Variants in AHCYL2 observed in about 807,000 individuals in gnomAD.
AHCYL2 encodes adenosylhomocysteinase like 2.
AHCYL2 carries 28 observed loss-of-function variants against 81.4 expected under a neutral mutation model. The observed-to-expected ratio is 0.34, with a 90% CI of 0.25 to 0.47. The LOEUF (loss-of-function observed/expected upper bound fraction) is 0.47, where lower values mean the gene tolerates loss of function less well. AHCYL2 is among the 20% of genes least tolerant of loss of function. The pLI is 1.00. For missense variants in AHCYL2, 551 were observed against 785.1 expected, an observed-to-expected ratio of 0.70 and a Z score of 3.56; for synonymous variants, 272 against 290.2, an observed-to-expected ratio of 0.94 and a Z score of 0.64.
intron 1 of AHCYL2, among the ~76,000 whole-genome samples, chr7:129,226,473 G>T (rs1472266513): frequency 6.6e-6 from 1 of 152,216 alleles, no homozygotes; most frequent in Non-Finnish European, 1.5e-5. Context: ...CACAGTATGG[G>T]CACAGGGATT....
At chr7:129,242,508 A>G (rs934583317) in intron 1 of AHCYL2, among the ~76,000 whole-genome samples, 6 of 152,032 alleles carry the variant, frequency 3.9e-5, no homozygotes, top group Non-Finnish European at 4.4e-5. Flanking sequence ...ACGAGGTCAG[A>G]AGTTTGAGAC....
chr7:129,363,746 C>A (rs1794011447), intron 1 of AHCYL2, among the ~76,000 whole-genome samples: 1 of 152,028 alleles, frequency 6.6e-6, no homozygotes, highest in African/African-American at 2.4e-5. Context: ...CCATGTTGGC[C>A]AGGCTGGTAT....
intron 12 of AHCYL2, among the ~76,000 whole-genome samples, chr7:129,422,274 C>A (rs1797151556): frequency 6.6e-6 from 1 of 152,306 alleles, no homozygotes; most frequent in Admixed American, 6.5e-5. Flanking sequence ...CTAGGGTGAA[C>A]CACCATCATT....
chr7:129,351,207 A>G (rs1180137223), intron 1 of AHCYL2, among the ~76,000 whole-genome samples: 2 of 152,226 alleles, frequency 1.3e-5, no homozygotes, highest in African/African-American at 4.8e-5. Context: ...CCGCATAGGC[A>G]TAAGGAACAC....
At chr7:129,321,743 GTTTTTTTTT>G in intron 1 of AHCYL2, among the ~76,000 whole-genome samples, 1 of 77,630 alleles carries the variant, frequency 1.3e-5, no homozygotes, top group South Asian at 5.5e-4. Context: ...TTCTTTCTTT[GTTTTTTTTT>G]TTTTTTTTTT....
Position 129,427,156 on chromosome 7 carries a change from G to A in AHCYL2, c.*111G>A, listed in dbSNP as rs1397994762. 2.1e-5 allele frequency: 24 copies of A among 1,123,954 alleles called. No homozygotes were observed. The highest frequency in any genetic ancestry group is 2.8e-5 in the Non-Finnish European group (21 of 754,580). The allele number at this position is 1,123,954 out of a possible 1,614,324, so 69.6% of individuals were successfully genotyped here. A position where few individuals can be genotyped will look rare whatever the true frequency, so the allele number is the denominator to read the frequency against. On this transcript the variant is annotated 3_prime_UTR_variant, in exon 17 of 17. Transcript: ENST00000325006. This position sits in a 1 kb window ranked among gnomAD's most constrained non-coding sequence, Gnocchi z 5.5. ...GCTTCTCCAATCAAAGCTGCCTGCCGTGCTCACCCTGTGTGTTAGGTTATT... is the reference window on the plus strand; with the variant it reads ...GCTTCTCCAATCAAAGCTGCCTGCCATGCTCACCCTGTGTGTTAGGTTATT...
chr7:129,245,738 G>C (rs886665739), intron 1 of AHCYL2, among the ~76,000 whole-genome samples: 1 of 152,018 alleles, frequency 6.6e-6, no homozygotes, highest in African/African-American at 2.4e-5. Flanking sequence ...ACCACATTTT[G>C]TTTATTCATT....
intron 11 of AHCYL2, chr7:129,410,494 C>G: frequency 9.8e-7 from 1 of 1,021,312 alleles, no homozygotes; most frequent in Non-Finnish European, 1.5e-6. Context: ...TGTGTTCCAG[C>G]TACAGAGTTA....
At chr7:129,278,779 T>TC (rs1408999693) in intron 1 of AHCYL2, among the ~76,000 whole-genome samples, 19 of 151,086 alleles carry the variant, frequency 1.3e-4, no homozygotes, top group African/African-American at 4.1e-4. Flanking sequence ...TTTTTTTTTT[T>TC]TTTGCATATG....
intron 1 of AHCYL2, among the ~76,000 whole-genome samples, chr7:129,230,281 A>G (rs1794380812): frequency 6.6e-6 from 1 of 151,504 alleles, no homozygotes; most frequent in Admixed American, 6.6e-5. Context: ...ACTGGGTTTC[A>G]CCAAGTTAGC....
intron 1 of AHCYL2, among the ~76,000 whole-genome samples, chr7:129,265,797 T>C (rs1437052551): frequency 6.6e-6 from 1 of 152,138 alleles, no homozygotes; most frequent in East Asian, 1.9e-4. Context: ...GGGTTGAGAA[T>C]AGACTGAAGG....
At chr7:129,325,700 G>C (rs1465048256) in intron 1 of AHCYL2, among the ~76,000 whole-genome samples, 1 of 150,836 alleles carries the variant, frequency 6.6e-6, no homozygotes, top group Admixed American at 6.6e-5. Flanking sequence ...TTCTGGGTTT[G>C]TTTTATTTTG....
chr7:129,389,072 T>C lies in AHCYL2; in HGVS notation c.492T>C (p.Asp164=), dbSNP rs1307019609. The C allele has an allele frequency of 3.1e-6, 5 of 1,613,438 alleles. No homozygotes were observed. Among genetic ancestry groups the C allele is most frequent in the Non-Finnish European group, 4.2e-6 (5 of 1,179,808 alleles). Reference sequence around the variant, plus strand: ...TCATTCCAGCGGCTTCATATACAGATAGCTCTGATGATGAGACATCGCCCA... The same window carrying C: ...TCATTCCAGCGGCTTCATATACAGACAGCTCTGATGATGAGACATCGCCCA... The part of the protein sequence containing the change: ...DSYSSAASYT[D]SSDDETSPRD... Residue 164 remains aspartate (D), a synonymous_variant, in exon 3 of 17, where the codon GAT becomes GAC. Transcript: ENST00000325006.
chr7:129,359,929 G>A (rs1027654772), intron 1 of AHCYL2, among the ~76,000 whole-genome samples: 2 of 152,086 alleles, frequency 1.3e-5, no homozygotes, highest in Non-Finnish European at 2.9e-5. Flanking sequence ...ATTAGTCAGT[G>A]GCAAGGAGGT....
At chr7:129,420,842 A>T (rs747935292) in intron 12 of AHCYL2, among the ~76,000 whole-genome samples, 3 of 152,180 alleles carry the variant, frequency 2.0e-5, no homozygotes, top group Non-Finnish European at 2.9e-5. Context: ...TTTATTTTTT[A>T]AAATTCCAAT....
At position 129,427,890 on chromosome 7, in the gene AHCYL2, A is replaced by G. The variant is rs541702447; in HGVS notation, c.*845A>G. On this transcript the variant is annotated 3_prime_UTR_variant, in exon 17 of 17. Coordinates refer to ENST00000325006, the MANE Select transcript of AHCYL2 (RefSeq NM_015328.4). The surrounding 1 kb of genome is among the most constrained non-coding windows in gnomAD (Gnocchi z 5.5). ...AAGGAAGCCCCTCCAGATTGGCACT[A>G]TCTCAGAAAAGGAGAGCTTGTTGTG... 3 of 152,712 alleles carry G rather than the reference A, an allele frequency of 2.0e-5. No homozygotes were observed. The East Asian group carries it at 5.8e-4, about 30-fold the overall frequency. 9.5% of individuals were successfully genotyped at this position (152,712 alleles called of 1,614,324 possible).
intron 1 of AHCYL2, among the ~76,000 whole-genome samples, chr7:129,236,888 C>T (rs1443824715): frequency 6.6e-6 from 1 of 152,020 alleles, no homozygotes; most frequent in Non-Finnish European, 1.5e-5. Context: ...TATTCATTAA[C>T]AAATTATTTA....
At chr7:129,349,184 A>G (rs2150827064) in intron 1 of AHCYL2, among the ~76,000 whole-genome samples, 1 of 152,292 alleles carries the variant, frequency 6.6e-6, no homozygotes, top group African/African-American at 2.4e-5. Context: ...CATCTTGAAA[A>G]TGTTTTGATT....
At chr7:129,377,862 A>G (rs895875093) in intron 1 of AHCYL2, among the ~76,000 whole-genome samples, 1 of 152,226 alleles carries the variant, frequency 6.6e-6, no homozygotes, top group Non-Finnish European at 1.5e-5. Flanking sequence ...TAAGAAAATC[A>G]TTATCAAATA....
Sources: allele counts gnomAD v4.1 joint callset (sites outside exome capture counted in the v4.1 genomes callset), GRCh38; gene constraint gnomAD v4.1.1; non-coding constraint Gnocchi (gnomAD v3.1); transcripts MANE v1.5; gene names NCBI Gene and HGNC (gene_info 2026-07-23, HGNC 2026-07-21).